NRXN3: variants seen among roughly 807,000 people sequenced by gnomAD.
The protein encoded by NRXN3 is neurexin III.
A neutral mutation model predicts 137.6 loss-of-function variants in NRXN3; 32 were observed. The observed-to-expected ratio is 0.23, with a 90% CI of 0.18 to 0.31. NRXN3 has a LOEUF of 0.31. Among genes scored for constraint, NRXN3 ranks in the 10% least tolerant of loss-of-function variants. NRXN3 has a pLI of 1.00. For synonymous variants in NRXN3, 798 were observed against 784.5 expected, an observed-to-expected ratio of 1.02 and a Z score of -0.29; for missense variants, 1,574 against 2,062.5, an observed-to-expected ratio of 0.76 and a Z score of 4.59.
chr14:79,411,581 A>T (rs1567051692), intron 15 of NRXN3, among the ~76,000 whole-genome samples: 2 of 152,154 alleles, frequency 1.3e-5, no homozygotes, highest in East Asian at 3.9e-4. Context: ...TTTATAGTAC[A>T]CAAAGAACTT....
intron 19 of NRXN3, among the ~76,000 whole-genome samples, chr14:79,773,539 A>G (rs1186693572): frequency 4.7e-5 from 7 of 150,358 alleles, no homozygotes; most frequent in Non-Finnish European, 1.0e-4. Flanking sequence ...CAAACAACCA[A>G]ACACCGCATA....
intron 4 of NRXN3, among the ~76,000 whole-genome samples, chr14:78,442,842 A>G (rs1429315852): frequency 6.6e-6 from 1 of 152,226 alleles, no homozygotes; most frequent in Non-Finnish European, 1.5e-5. Flanking sequence ...AATAAATAAT[A>G]TATTTATAAT....
chr14:79,208,546 AC>A (rs752065420), intron 15 of NRXN3, among the ~76,000 whole-genome samples: 1 of 152,120 alleles, frequency 6.6e-6, no homozygotes, highest in Non-Finnish European at 1.5e-5. Flanking sequence ...ATTCATCTAA[AC>A]TTTTATTTTC....
intron 15 of NRXN3, among the ~76,000 whole-genome samples, chr14:79,340,601 G>C (rs1328614618): frequency 1.3e-5 from 2 of 152,124 alleles, no homozygotes; most frequent in Admixed American, 1.3e-4. Context: ...GAGTAGCTGG[G>C]ATTACAGGCA....
At chr14:79,706,433 T>A (rs1302812286) in intron 19 of NRXN3, among the ~76,000 whole-genome samples, 1 of 150,126 alleles carries the variant, frequency 6.7e-6, no homozygotes, top group Non-Finnish European at 1.5e-5. Context: ...TTTTTTTTTT[T>A]TTTTTTGGTC....
At chr14:78,255,253 C>G (rs979591247) in intron 2 of NRXN3, among the ~76,000 whole-genome samples, 3 of 151,576 alleles carry the variant, frequency 2.0e-5, no homozygotes, top group African/African-American at 7.3e-5. Context: ...CCACAGACAT[C>G]ATTTTGAGTC....
intron 16 of NRXN3, among the ~76,000 whole-genome samples, chr14:79,470,951 A>AGTGTGTGTGT (rs371413883): frequency 1.7e-5 from 2 of 116,416 alleles, no homozygotes; most frequent in African/African-American, 6.3e-5. Context: ...AGAGAGAGAG[A>AGTGTGTGTGT]GTGTGTGTGT....
At chr14:78,980,396 G>A (rs558161807) in intron 14 of NRXN3, among the ~76,000 whole-genome samples, 21 of 152,318 alleles carry the variant, frequency 1.4e-4, no homozygotes, top group African/African-American at 5.1e-4. Flanking sequence ...GGGTGTTTGA[G>A]ACATAGGTTT....
intron 2 of NRXN3, among the ~76,000 whole-genome samples, chr14:78,248,897 A>G (rs1567074724): frequency 6.6e-6 from 1 of 152,174 alleles, no homozygotes; most frequent in Non-Finnish European, 1.5e-5. Flanking sequence ...CCATGGGACC[A>G]GCCTGACTCT....
intron 4 of NRXN3, among the ~76,000 whole-genome samples, chr14:78,587,618 T>G (rs1373535869): frequency 6.6e-6 from 1 of 152,190 alleles, no homozygotes; most frequent in Admixed American, 6.5e-5. Flanking sequence ...TAAGAGAAAT[T>G]TTCAGATTTT....
At chr14:78,401,167 AC>A (rs1413963319) in intron 4 of NRXN3, among the ~76,000 whole-genome samples, 2 of 152,002 alleles carry the variant, frequency 1.3e-5, no homozygotes, top group African/African-American at 4.8e-5. Context: ...CCAAAATGCC[AC>A]TTTTTATTTT....
At chr14:79,527,359 G>A (rs914250161) in intron 16 of NRXN3, among the ~76,000 whole-genome samples, 19 of 150,410 alleles carry the variant, frequency 1.3e-4, no homozygotes, top group African/African-American at 4.4e-4. Flanking sequence ...GCGGGTTAGA[G>A]ATGGTGGTTA....
intron 15 of NRXN3, among the ~76,000 whole-genome samples, chr14:79,130,214 T>G (rs531521522): frequency 1.3e-5 from 2 of 152,052 alleles, no homozygotes; most frequent in East Asian, 3.9e-4. Flanking sequence ...AATTTGATCC[T>G]GTCATTATGA....
At chr14:78,432,155 A>T (rs1011060241) in intron 4 of NRXN3, among the ~76,000 whole-genome samples, 12 of 152,178 alleles carry the variant, frequency 7.9e-5, no homozygotes, top group African/African-American at 2.9e-4. Flanking sequence ...TGAAAGTTGT[A>T]TCCTAACGTT....
chr14:79,272,186 T>C (rs978081268), intron 15 of NRXN3, among the ~76,000 whole-genome samples: 1 of 151,518 alleles, frequency 6.6e-6, no homozygotes, highest in Non-Finnish European at 1.5e-5. Context: ...TGTATTTAAA[T>C]GGATTTGTGG....
chr14:78,432,318 A>G (rs1173651609), intron 4 of NRXN3, among the ~76,000 whole-genome samples: 8 of 147,282 alleles, frequency 5.4e-5, no homozygotes, highest in East Asian at 2.0e-4. Context: ...TTTTTTTGAC[A>G]TGTCTCAGCT....
chr14:79,845,952 G>A (rs1465011206), intron 20 of NRXN3, among the ~76,000 whole-genome samples: 1 of 152,080 alleles, frequency 6.6e-6, no homozygotes, highest in East Asian at 1.9e-4. Flanking sequence ...GACAGACAGG[G>A]AGAGAGATGG....
At position 79,110,804 on chromosome 14, in the gene NRXN3, T is replaced by TTATG. The variant is rs375654901; in HGVS notation, c.3262+122664_3262+122665insATGT. 9.3e-5 allele frequency among the ~76,000 whole-genome samples: 14 copies of TTATG among 150,718 alleles called. No individual in the cohort carries two copies. The East Asian group carries it at 2.5e-3, about 27-fold the overall frequency. ...TTTATTTATTTATTTATTTTTTTAT[T>TTATG]TTTTGAGACGGAGTCTCGATCAGTC... On this transcript the variant is annotated intron_variant, in intron 15 of 20. Coordinates refer to ENST00000335750, the MANE Select transcript of NRXN3 (RefSeq NM_001330195.2).
intron 4 of NRXN3, among the ~76,000 whole-genome samples, chr14:78,541,489 C>A (rs1000677037): frequency 9.9e-5 from 15 of 152,158 alleles, no homozygotes; most frequent in Non-Finnish European, 1.8e-4. Context: ...TCTTCTCTCA[C>A]TGTTTGTTCT....
Sources: gnomAD v4.1 joint callset for allele counts (sites outside exome capture counted in the v4.1 genomes callset) on GRCh38, gnomAD v4.1.1 for gene constraint, MANE v1.5 for transcripts, NCBI Gene and HGNC (gene_info 2026-07-23, HGNC 2026-07-21) for gene names.